Variants in PCTP observed in about 807,000 individuals in gnomAD.
The protein encoded by PCTP is START domain-containing protein 2.
Under a neutral mutation model 31.0 loss-of-function variants are expected in PCTP, and 27 were observed. That is an observed-to-expected ratio of 0.87 (90% CI 0.64 to 1.20). The LOEUF is 1.20. Among genes scored for constraint, PCTP ranks in the 50% most tolerant of loss-of-function variants. The pLI is 0.00. For missense variants in PCTP, 287 were observed against 268.2 expected (o/e 1.07, Z -0.49); for synonymous variants, 108 against 101.2 (o/e 1.07, Z -0.40).
At chr17:55,805,095 A>G (rs2145034263) in intron 3 of PCTP, among the ~76,000 whole-genome samples, 1 of 152,290 alleles carries the variant, frequency 6.6e-6, no homozygotes, top group African/African-American at 2.4e-5. Context: ...ATTGTGGGGA[A>G]CTTCTTGTTT....
At chr17:55,774,190 C>A (rs528800435) in intron 4 of PCTP, among the ~76,000 whole-genome samples, 26 of 152,306 alleles carry the variant, frequency 1.7e-4, no homozygotes, top group African/African-American at 6.0e-4. Context: ...AAAGTCACTT[C>A]CAGCTGGTCC....
At chr17:55,765,168 C>T (rs1910570612) in intron 1 of PCTP, among the ~76,000 whole-genome samples, 1 of 152,152 alleles carries the variant, frequency 6.6e-6, no homozygotes, top group East Asian at 1.9e-4. Context: ...CAAAAAGAAG[C>T]AGTTGTTGAA....
chr17:55,834,962 G>C (rs1278182051), intron 5 of PCTP, among the ~76,000 whole-genome samples: 3 of 152,124 alleles, frequency 2.0e-5, no homozygotes, highest in Non-Finnish European at 4.4e-5. Flanking sequence ...GTTAAGATAA[G>C]GTCATTCTAG....
At chr17:55,792,077 A>G (rs1379766198) in intron 3 of PCTP, among the ~76,000 whole-genome samples, 3 of 143,398 alleles carry the variant, frequency 2.1e-5, no homozygotes, top group African/African-American at 5.3e-5. Flanking sequence ...AACACCGCAT[A>G]TTCTCACTCA....
intron 5 of PCTP, among the ~76,000 whole-genome samples, chr17:55,838,705 C>T (rs984172632): frequency 2.0e-5 from 3 of 152,136 alleles, no homozygotes; most frequent in African/African-American, 7.2e-5. Context: ...GTGAACCAAG[C>T]AATTTATGTG....
chr17:55,817,764 C>T (rs1180560132), intron 3 of PCTP, among the ~76,000 whole-genome samples: 7 of 152,184 alleles, frequency 4.6e-5, no homozygotes, highest in East Asian at 1.9e-4. Context: ...AAATGTCGCA[C>T]CTTTTAATCT....
downstream of PCTP, among the ~76,000 whole-genome samples, chr17:55,825,444 A>G (rs1484049108): frequency 6.6e-6 from 1 of 152,234 alleles, no homozygotes; most frequent in Non-Finnish European, 1.5e-5. Context: ...CCATCTAGTG[A>G]TGATTTAACA....
chr17:55,762,613 T>C (rs772655208), intron 1 of PCTP, among the ~76,000 whole-genome samples: 3 of 152,144 alleles, frequency 2.0e-5, no homozygotes, highest in Non-Finnish European at 2.9e-5. Flanking sequence ...ACCTAATAAA[T>C]AGGTCAGAGT....
At chr17:55,800,678 A>T (rs759499225) in intron 3 of PCTP, among the ~76,000 whole-genome samples, 5 of 152,032 alleles carry the variant, frequency 3.3e-5, no homozygotes, top group African/African-American at 1.2e-4. Context: ...AATAGCTCTT[A>T]TTATGTTGAG....
At chr17:55,839,699 T>A (rs1160952041) in intron 5 of PCTP, among the ~76,000 whole-genome samples, 3 of 151,506 alleles carry the variant, frequency 2.0e-5, no homozygotes, top group Admixed American at 1.3e-4. Context: ...GGCGGGCGGA[T>A]CACGAGGTCA....
chr17:55,767,765 CTTTTTTTTTT>C (rs10634278), intron 2 of PCTP, among the ~76,000 whole-genome samples: 2 of 103,496 alleles, frequency 1.9e-5, no homozygotes, highest in African/African-American at 7.3e-5. Flanking sequence ...GCACCCAGTG[CTTTTTTTTTT>C]TTTTTTTTTT....
At chr17:55,799,859 T>C (rs1315210922) in intron 3 of PCTP, among the ~76,000 whole-genome samples, 4 of 152,204 alleles carry the variant, frequency 2.6e-5, no homozygotes, top group Non-Finnish European at 5.9e-5. Context: ...TATGAAATTC[T>C]GGTTTGAAAA....
chr17:55,763,501 A>G (rs558750671), intron 1 of PCTP, among the ~76,000 whole-genome samples: 1 of 149,280 alleles, frequency 6.7e-6, no homozygotes, highest in African/African-American at 2.5e-5. Flanking sequence ...ATATTCTGGA[A>G]ATTTTTTTTC....
At chr17:55,791,908 A>G (rs1317437256) in intron 3 of PCTP, among the ~76,000 whole-genome samples, 2 of 152,216 alleles carry the variant, frequency 1.3e-5, no homozygotes, top group East Asian at 3.9e-4. Flanking sequence ...AACCAACCCA[A>G]ATGTCCAACA....
chr17:55,793,433 A>C (rs1912075468), intron 3 of PCTP, among the ~76,000 whole-genome samples: 1 of 152,086 alleles, frequency 6.6e-6, no homozygotes. Flanking sequence ...TCCACTTAAC[A>C]CACTCTTCAA....
intron 5 of PCTP, among the ~76,000 whole-genome samples, chr17:55,837,846 A>G (rs9899627): frequency 2.4e-3 from 366 of 152,250 alleles, no homozygotes; most frequent in African/African-American, 8.3e-3. Context: ...TGTTCTTTTC[A>G]AAATGCAAGC....
chr17:55,833,329 A>G (rs2145082550), intron 5 of PCTP, among the ~76,000 whole-genome samples: 1 of 152,362 alleles, frequency 6.6e-6, no homozygotes, highest in South Asian at 2.1e-4. Context: ...AGTAACCTCC[A>G]AAATTTATAC....
downstream of PCTP, among the ~76,000 whole-genome samples, chr17:55,824,614 C>T (rs1905335188): frequency 1.3e-5 from 2 of 152,276 alleles, no homozygotes; most frequent in South Asian, 4.1e-4. Flanking sequence ...ATTTATTAGG[C>T]CTGCTGGACC....
At chr17:55,814,679 A>G (rs922784826) in intron 3 of PCTP, among the ~76,000 whole-genome samples, 1 of 152,244 alleles carries the variant, frequency 6.6e-6, no homozygotes, top group Non-Finnish European at 1.5e-5. Context: ...TTGCACTGTC[A>G]TGGAAGGCAG....
Sources: gnomAD v4.1 joint callset for allele counts (sites outside exome capture counted in the v4.1 genomes callset) on GRCh38, gnomAD v4.1.1 for gene constraint, MANE v1.5 for transcripts, NCBI Gene and HGNC (gene_info 2026-07-23, HGNC 2026-07-21) for gene names.